The following EVL variants were observed in gnomAD, a reference collection of about 807,000 sequenced individuals.
The protein encoded by EVL is ena/VASP-like protein.
Under a neutral mutation model 59.6 loss-of-function variants are expected in EVL, and 21 were observed. That is an observed-to-expected ratio of 0.35 (90% CI 0.25 to 0.51). The LOEUF (loss-of-function observed/expected upper bound fraction) is 0.51, where lower values mean the gene tolerates loss of function less well. Among genes scored for constraint, EVL ranks in the 20% least tolerant of loss-of-function variants. EVL has a pLI of 0.97. For synonymous variants in EVL, 198 were observed against 203.5 expected (o/e 0.97, Z 0.23); for missense variants, 462 against 546.6 (o/e 0.85, Z 1.54).
intron 1 of EVL, among the ~76,000 whole-genome samples, chr14:100,017,190 G>A (rs1306988265): frequency 6.6e-6 from 1 of 152,168 alleles, no homozygotes; most frequent in Non-Finnish European, 1.5e-5. Flanking sequence ...AAATGAGCTT[G>A]GTGCTGGGAT....
rs1282002933 is a variant in EVL, at chr14:100,127,022, C to G, written c.487+251C>G. ...GGAGTGGACATTCAGCAAGCACCTC[C>G]TGTGTCTCAGGCACCGTGCTAAGGG... On this transcript the variant is annotated intron_variant, in intron 5 of 13. Coordinates refer to ENST00000392920, the MANE Select transcript of EVL (RefSeq NM_016337.3). This position sits in a 1 kb window ranked among gnomAD's most constrained non-coding sequence, Gnocchi z 4.2. Among the ~76,000 whole-genome samples the G allele has an allele frequency of 3.3e-5, 5 of 152,226 alleles. No individual in the cohort carries two copies. Among genetic ancestry groups the G allele is most frequent in the Non-Finnish European group, 5.9e-5 (4 of 68,028 alleles).
intron 1 of EVL, among the ~76,000 whole-genome samples, chr14:100,000,731 A>G (rs2060941342): frequency 6.6e-6 from 1 of 152,176 alleles, no homozygotes; most frequent in South Asian, 2.1e-4. Context: ...ATAGAATGGT[A>G]GGCAGGTTTA....
At position 100,057,378 on chromosome 14, in the gene EVL, C is replaced by T. The variant is rs193198495; in HGVS notation, c.6-27309C>T. 2.0e-5 allele frequency among the ~76,000 whole-genome samples: 3 copies of T among 152,338 alleles called. No homozygotes were observed. In the East Asian group the frequency reaches 5.8e-4, roughly 29 times the overall value. ...ATTACAGTCCCCCTAAGAGACTGCT[C>T]AGCTGACATCGGGGTTTCTTTATTT... On this transcript the variant is annotated intron_variant, in intron 1 of 13. Coordinates refer to the EVL transcript ENST00000402714.
At chr14:100,136,438 TTC>T (rs1888791561) in intron 9 of EVL, among the ~76,000 whole-genome samples, 1 of 152,354 alleles carries the variant, frequency 6.6e-6, no homozygotes, top group African/African-American at 2.4e-5. Flanking sequence ...TGGCTCAGGT[TTC>T]TCTCTGTCTA....
intron 1 of EVL, among the ~76,000 whole-genome samples, chr14:100,031,421 A>G (rs936779311): frequency 6.6e-6 from 1 of 152,242 alleles, no homozygotes; most frequent in Non-Finnish European, 1.5e-5. Context: ...TTTTATTTGC[A>G]GAGATGTTCA....
intron 8 of EVL, 155 bp from the exon 9 acceptor site, chr14:100,135,748 GTT>G (rs1888740335): frequency 2.9e-6 from 2 of 689,368 alleles, no homozygotes; most frequent in African/African-American, 1.8e-5. Flanking sequence ...GAGATTTTGC[GTT>G]TTCACTTTTA....
intron 1 of EVL, among the ~76,000 whole-genome samples, chr14:99,989,275 C>T (rs1366334219): frequency 1.3e-5 from 2 of 152,110 alleles, no homozygotes; most frequent in Admixed American, 6.6e-5. Flanking sequence ...ATCATTTCTT[C>T]TTCCTTAAAA....
intron 8 of EVL, among the ~76,000 whole-genome samples, chr14:100,134,127 G>A (rs1056726363): frequency 2.0e-5 from 3 of 152,198 alleles, no homozygotes; most frequent in East Asian, 1.9e-4. Flanking sequence ...CTTCTCACAC[G>A]TCCACCATTC....
chr14:100,050,904 A>G (rs1284030580), intron 1 of EVL, among the ~76,000 whole-genome samples: 2 of 150,204 alleles, frequency 1.3e-5, no homozygotes, highest in African/African-American at 4.9e-5. Flanking sequence ...CAGCACGCCC[A>G]GCTAATTAAA....
chr14:100,061,585 G>A (rs985510815), upstream of EVL, among the ~76,000 whole-genome samples: 6 of 151,174 alleles, frequency 4.0e-5, no homozygotes, highest in Non-Finnish European at 8.8e-5. Context: ...ACGCACACAC[G>A]CACATGACTT....
At chr14:99,973,412 T>C (rs1256140245) in intron 1 of EVL, among the ~76,000 whole-genome samples, 2 of 152,228 alleles carry the variant, frequency 1.3e-5, no homozygotes, top group Admixed American at 6.5e-5. Flanking sequence ...TTTTATTTGG[T>C]ATAGTTTTCT....
At chr14:100,021,776 A>C (rs180730762) in intron 1 of EVL, among the ~76,000 whole-genome samples, 3 of 151,912 alleles carry the variant, frequency 2.0e-5, no homozygotes, top group Admixed American at 2.0e-4. Context: ...TAGGAAAAGC[A>C]GAAGATTACC....
intron 2 of EVL, among the ~76,000 whole-genome samples, chr14:100,090,577 A>G (rs2062543785): frequency 6.6e-6 from 1 of 152,248 alleles, no homozygotes; most frequent in Non-Finnish European, 1.5e-5. Context: ...AATGACTTGA[A>G]TCTAATAATG....
chr14:100,111,412 C>T (rs1179134571), intron 3 of EVL, among the ~76,000 whole-genome samples: 2 of 152,160 alleles, frequency 1.3e-5, no homozygotes, highest in Admixed American at 1.3e-4. Flanking sequence ...CCACCTCGGC[C>T]TCCCAAAGTG....
chr14:100,070,098 T>TA (rs2062018654), intron 1 of EVL, among the ~76,000 whole-genome samples: 1 of 148,674 alleles, frequency 6.7e-6, no homozygotes, highest in African/African-American at 2.5e-5. Flanking sequence ...GAAAATAAAA[T>TA]TAAAAAATGA....
At chr14:100,017,787 C>G (rs1241550525) in intron 1 of EVL, among the ~76,000 whole-genome samples, 1 of 152,202 alleles carries the variant, frequency 6.6e-6, no homozygotes, top group African/African-American at 2.4e-5. Context: ...TTCAGATCAG[C>G]TTAGGTGATT....
chr14:100,106,823 C>T lies in EVL; in HGVS notation c.358+9165C>T, dbSNP rs1886601007. 7.5e-6 allele frequency: 3 copies of T among 398,658 alleles called. No homozygotes were observed. In the Admixed American group the frequency reaches 1.3e-4, roughly 18 times the overall value. The allele number at this position is 398,658 out of a possible 1,614,324, so 24.7% of individuals were successfully genotyped here. ...ATAGCACAGTGTCTGTCTCATTTCA[C>T]AGCCAGGAAAACTGAGCCCCAGAGG... On this transcript the variant is annotated intron_variant, in intron 3 of 13. Transcript: ENST00000392920.
intron 10 of EVL, 28 bp downstream of exon 10, chr14:100,137,672 G>T (rs774550921): frequency 2.2e-5 from 36 of 1,614,150 alleles, no homozygotes; most frequent in Non-Finnish European, 1.4e-5. Flanking sequence ...GGCCTGAGCA[G>T]CGAGGCTGGT....
At chr14:100,049,345 A>T in intron 1 of EVL, among the ~76,000 whole-genome samples, 1 of 152,194 alleles carries the variant, frequency 6.6e-6, no homozygotes, top group East Asian at 1.9e-4. Flanking sequence ...AAGTTCAAGG[A>T]ATTGCCTGGA....
Sources: gnomAD v4.1 joint callset for allele counts (sites outside exome capture counted in the v4.1 genomes callset) on GRCh38, gnomAD v4.1.1 for gene constraint, Gnocchi (gnomAD v3.1) non-coding constraint, MANE v1.5 for transcripts, NCBI Gene and HGNC (gene_info 2026-07-23, HGNC 2026-07-21) for gene names.